NGEF: variants seen among roughly 807,000 people sequenced by gnomAD.
NGEF encodes neuronal guanine nucleotide exchange factor.
Under a neutral mutation model 80.9 loss-of-function variants are expected in NGEF, and 31 were observed. The ratio of observed to expected loss-of-function variants is 0.38; its 90% CI spans 0.29 to 0.52. NGEF has a LOEUF of 0.52. NGEF is among the 20% of genes least tolerant of loss of function. The pLI, the probability that NGEF is intolerant of heterozygous loss-of-function variation, is 0.84. For synonymous variants in NGEF, 371 were observed against 370.2 expected, an observed-to-expected ratio of 1.00 and a Z score of -0.03; for missense variants, 709 against 926.2, an observed-to-expected ratio of 0.77 and a Z score of 3.04.
At chr2:232,935,007 C>CA (rs141937277) in intron 3 of NGEF, among the ~76,000 whole-genome samples, 18,506 of 127,646 alleles carry the variant, frequency 0.14, 1,217 homozygotes, top group East Asian at 0.34. Flanking sequence ...GACTCTGTCT[C>CA]AAAAAAAAAA....
chr2:232,976,162 C>T (rs1694289081), intron 1 of NGEF, among the ~76,000 whole-genome samples: 2 of 152,188 alleles, frequency 1.3e-5, no homozygotes, highest in Non-Finnish European at 2.9e-5. Context: ...GATCTTGCCA[C>T]TGCACTCCAG....
chr2:232,928,800 G>T (rs1693154508), intron 3 of NGEF, among the ~76,000 whole-genome samples: 1 of 152,218 alleles, frequency 6.6e-6, no homozygotes, highest in African/African-American at 2.4e-5. Flanking sequence ...GAAACCAAGT[G>T]CCCGAAACCT....
chr2:232,891,343 TGGA>T lies in NGEF; in HGVS notation c.1272+12_1272+14del. 6.2e-7 allele frequency: 1 copy of T among 1,612,788 alleles called. No homozygotes were observed. Among genetic ancestry groups the T allele is most frequent in the South Asian group, 1.1e-5 (1 of 91,006 alleles). On this transcript the variant is annotated intron_variant, in intron 8 of 14. Coordinates refer to ENST00000264051, the MANE Select transcript of NGEF (RefSeq NM_019850.3). ...TGGGAAGCCCCGTCTGTGGGTCAGGTGGAGGAGGCTGTACCTGGACCAACAGCT... is the reference window on the plus strand; with the variant it reads ...TGGGAAGCCCCGTCTGTGGGTCAGGTGGAGGCTGTACCTGGACCAACAGCT...
chr2:232,900,074 G>T (rs1414968868), intron 5 of NGEF, among the ~76,000 whole-genome samples: 1 of 128,664 alleles, frequency 7.8e-6, no homozygotes, highest in Non-Finnish European at 1.6e-5. Flanking sequence ...TCATATACAC[G>T]TTCACTCACA....
Position 232,879,228 on chromosome 2 carries a change from T to G in NGEF, c.*261A>C. 1.6e-4 allele frequency: 60 copies of G among 367,992 alleles called. No homozygotes were observed. Among genetic ancestry groups the G allele is most frequent in the East Asian group, 2.2e-4 (5 of 22,714 alleles). 22.8% of individuals were successfully genotyped at this position (367,992 alleles called of 1,614,324 possible). On this transcript the variant is annotated 3_prime_UTR_variant, in exon 15 of 15. Coordinates refer to ENST00000264051, the MANE Select transcript of NGEF (RefSeq NM_019850.3). ...ACCCCCTTCCACCCCCTCGGAGGCATGAGGGAGGTGGTGTAATACTGCTGA... is the reference window on the plus strand; with the variant it reads ...ACCCCCTTCCACCCCCTCGGAGGCAGGAGGGAGGTGGTGTAATACTGCTGA...
At chr2:232,972,548 G>A (rs1694214643) in intron 2 of NGEF, among the ~76,000 whole-genome samples, 1 of 152,126 alleles carries the variant, frequency 6.6e-6, no homozygotes, top group Admixed American at 6.6e-5. Context: ...AGCTCAGTCT[G>A]TACCACACAA....
chr2:232,944,749 A>ATATATATATATATC (rs1336356473), intron 3 of NGEF, among the ~76,000 whole-genome samples: 7 of 92,014 alleles, frequency 7.6e-5, no homozygotes, highest in Non-Finnish European at 2.4e-5. Flanking sequence ...ATATATATAT[A>ATATATATATATATC]TATATATATA....
intron 5 of NGEF, among the ~76,000 whole-genome samples, chr2:232,907,093 C>G (rs1189452209): frequency 1.3e-5 from 2 of 150,684 alleles, no homozygotes; most frequent in African/African-American, 4.9e-5. Flanking sequence ...TGCTGACCTT[C>G]CCTCCACTAT....
At chr2:232,963,640 C>T (rs530194185) in intron 3 of NGEF, among the ~76,000 whole-genome samples, 2 of 151,976 alleles carry the variant, frequency 1.3e-5, no homozygotes, top group South Asian at 4.2e-4. Context: ...ATGGTGAAAC[C>T]CTGTCTGTAC....
chr2:233,002,554 GT>G (rs1346429064), intron 1 of NGEF, among the ~76,000 whole-genome samples: 1 of 152,100 alleles, frequency 6.6e-6, no homozygotes, highest in African/African-American at 2.4e-5. Context: ...GTGCACGCTT[GT>G]AGTCCCAGCT....
intron 1 of NGEF, among the ~76,000 whole-genome samples, chr2:233,008,400 C>T (rs1203763468): frequency 2.6e-5 from 4 of 152,206 alleles, no homozygotes; most frequent in Non-Finnish European, 5.9e-5. Flanking sequence ...ATGAGGTACT[C>T]TCCAGGGATT....
intron 3 of NGEF, among the ~76,000 whole-genome samples, chr2:232,959,080 C>T (rs1412806527): frequency 6.6e-6 from 1 of 152,196 alleles, no homozygotes; most frequent in African/African-American, 2.4e-5. Flanking sequence ...CCCCTCCCCA[C>T]AGTGTGTTTT....
chr2:233,001,755 T>A (rs569966502), intron 1 of NGEF, among the ~76,000 whole-genome samples: 1 of 152,360 alleles, frequency 6.6e-6, no homozygotes, highest in African/African-American at 2.4e-5. Flanking sequence ...GGCGTGCGCC[T>A]GTAATCCCAG....
At chr2:232,898,947 T>G (rs1221360226) in intron 5 of NGEF, among the ~76,000 whole-genome samples, 1 of 151,986 alleles carries the variant, frequency 6.6e-6, no homozygotes, top group Non-Finnish European at 1.5e-5. Context: ...TGTGAGAGCA[T>G]GTAAGTGAAT....
intron 1 of NGEF, among the ~76,000 whole-genome samples, chr2:233,005,453 C>T (rs2106345973): frequency 6.6e-6 from 1 of 152,356 alleles, no homozygotes; most frequent in East Asian, 1.9e-4. Context: ...CCACTCCTTC[C>T]AGCGTGGATG....
chr2:232,925,901 T>G lies in NGEF; in HGVS notation c.526+1143A>C, dbSNP rs542543067. On this transcript the variant is annotated intron_variant, in intron 4 of 14. Transcript: ENST00000264051. ...CACCACCACCACCCAGCCTGACACG[T>G]GGAGGGGGCCCACTGGGAACAAAAT... Among the ~76,000 whole-genome samples the G allele has an allele frequency of 1.1e-3, 166 of 152,220 alleles. 1 individual carries two copies. The highest frequency in any genetic ancestry group is 6.8e-3 in the Middle Eastern group (2 of 294).
intron 1 of NGEF, among the ~76,000 whole-genome samples, chr2:233,008,969 G>A (rs1049439238): frequency 1.8e-4 from 28 of 151,956 alleles, no homozygotes; most frequent in African/African-American, 6.8e-4. Flanking sequence ...GTTAATTTTT[G>A]TATATTTAGT....
At chr2:232,929,871 T>C (rs1310658904) in intron 3 of NGEF, among the ~76,000 whole-genome samples, 2 of 152,194 alleles carry the variant, frequency 1.3e-5, no homozygotes, top group African/African-American at 2.4e-5. Flanking sequence ...TGGGAGGCAA[T>C]TGAATCATGG....
intron 3 of NGEF, among the ~76,000 whole-genome samples, chr2:232,938,397 G>T (rs147340406): frequency 6.6e-6 from 1 of 152,136 alleles, no homozygotes; most frequent in Non-Finnish European, 1.5e-5. Context: ...CAGATAACTC[G>T]TGGATAAGAT....
Sources: gnomAD v4.1 joint callset for allele counts (sites outside exome capture counted in the v4.1 genomes callset) on GRCh38, gnomAD v4.1.1 for gene constraint, MANE v1.5 for transcripts, NCBI Gene and HGNC (gene_info 2026-07-23, HGNC 2026-07-21) for gene names.